Variants in EIF3F observed in about 807,000 individuals in gnomAD.
EIF3F encodes the protein eukaryotic translation initiation factor 3 subunit F, also known as deubiquitinating enzyme eIF3f.
Under a neutral mutation model 36.0 loss-of-function variants are expected in EIF3F, and 8 were observed. That is an observed-to-expected ratio of 0.22 (90% confidence interval 0.13 to 0.40). EIF3F has a LOEUF of 0.40. Ranked by LOEUF, EIF3F falls within the 10% of genes least tolerant of loss-of-function variation. The pLI is 1.00. For synonymous variants in EIF3F, 184 were observed against 188.5 expected (o/e 0.98, Z 0.19); for missense variants, 430 against 467.6 (o/e 0.92, Z 0.74).
At position 7,998,146 on chromosome 11, in the gene EIF3F, T is replaced by C. The variant is rs1942182462; in HGVS notation, c.*2124T>C. On this transcript the variant is annotated 3_prime_UTR_variant, in exon 8 of 8. Coordinates refer to ENST00000651655, the MANE Select transcript of EIF3F (RefSeq NM_003754.3). ...TCTATAGTAGTTATGTTTTATAAAG[T>C]CACCATGAACACTGAATTAGAGAGT... The C allele has an allele frequency of 6.6e-6, 1 of 152,202 alleles. No individual in the cohort carries two copies. The highest frequency in any genetic ancestry group is 6.5e-5 in the Admixed American group (1 of 15,276). 9.4% of individuals were successfully genotyped at this position (152,202 alleles called of 1,614,324 possible).
rs186705219 is a variant in EIF3F, at chr11:7,998,662, C to A, written c.*2640C>A. ...TTAGCAAGAGGTAAATTCACACATA[C>A]GGAGTCTGCAAAAAATGAGAATTGA... On this transcript the variant is annotated 3_prime_UTR_variant, in exon 8 of 8. Transcript: ENST00000651655. 1.2e-4 allele frequency: 18 copies of A among 152,018 alleles called. No homozygotes were observed. The highest frequency in any genetic ancestry group is 2.4e-4 in the Non-Finnish European group (16 of 67,994). 9.4% of individuals were successfully genotyped at this position (152,018 alleles called of 1,614,324 possible).
rs1942170737 is a variant in EIF3F, at chr11:7,997,216, A to G, written c.*1194A>G. On this transcript the variant is annotated 3_prime_UTR_variant, in exon 8 of 8. Coordinates refer to ENST00000651655, the MANE Select transcript of EIF3F (RefSeq NM_003754.3). ...GTAAACAGATCTTATCGGCAAAATG[A>G]TAATGACAGGCCAAATTGTTAAAGG... 1 of 152,236 alleles carries G rather than the reference A, an allele frequency of 6.6e-6. No homozygotes were observed. The highest frequency in any genetic ancestry group is 2.4e-5 in the African/African-American group (1 of 41,470). 9.4% of individuals were successfully genotyped at this position (152,236 alleles called of 1,614,324 possible).
chr11:7,987,981 TTTTATGCCAGTGGTTTACA>T (rs1311953233), intron 1 of EIF3F: 105 of 385,596 alleles, frequency 2.7e-4, no homozygotes, highest in Non-Finnish European at 4.0e-4. Context: ...TTACTGAATA[TTTTATGCCAGTGGTTTACA>T]TTTATGCCAG....
rs1942148595 is a variant in EIF3F at position 7,995,385 on chromosome 11, G to A, written c.996+18G>A. On this transcript the variant is annotated intron_variant, in intron 7 of 7. Transcript: ENST00000651655. Reference sequence around the variant, plus strand: ...ACATCAATGTGAGTGCCCTTCCTGAGCCCCTTCTTGCCTGGTTTCTTCCCC... The same window carrying A: ...ACATCAATGTGAGTGCCCTTCCTGAACCCCTTCTTGCCTGGTTTCTTCCCC... The A allele has an allele frequency of 6.3e-7, 1 of 1,586,142 alleles. No individual in the cohort carries two copies. Among genetic ancestry groups the A allele is most frequent in the African/African-American group, 1.3e-5 (1 of 74,356 alleles).
In EIF3F at chr11:8,001,424, C is replaced by T. The variant is rs552461850; in HGVS notation, c.*5402C>T. ...TCGTTATGACACAATGTAATGAATA[C>T]ATAGATAAGTACTGAAATACTTGGT... On this transcript the variant is annotated 3_prime_UTR_variant, in exon 8 of 8. Transcript: ENST00000651655. 6.6e-6 allele frequency: 1 copy of T among 152,212 alleles called. No homozygotes were observed. The highest frequency in any genetic ancestry group is 2.1e-4 in the South Asian group (1 of 4,824). 9.4% of individuals were successfully genotyped at this position (152,212 alleles called of 1,614,324 possible).
In EIF3F at chr11:7,998,264, C is replaced by A. The variant is rs539305746; in HGVS notation, c.*2242C>A. 5 of 152,234 alleles carry A rather than the reference C, an allele frequency of 3.3e-5. No individual in the cohort carries two copies. Among genetic ancestry groups the A allele is most frequent in the South Asian group, 2.1e-4 (1 of 4,826 alleles). The allele number at this position is 152,234 out of a possible 1,614,324, so 9.4% of individuals were successfully genotyped here. The stretch of plus-strand genomic sequence containing the variant: ...AACCCATCAGTACATAAACTTGTTA[C>A]ATGTGTTTCTGTTTGAAGACACCTT... On this transcript the variant is annotated 3_prime_UTR_variant, in exon 8 of 8. Transcript: ENST00000651655.
At chr11:7,995,821 T>C (rs1942154038) in intron 7 of EIF3F, 124 bp from the exon 8 acceptor site, 1 of 795,894 alleles carries the variant, frequency 1.3e-6, no homozygotes. Context: ...ATTCAGTCTC[T>C]CCTAGCTGTC....
intron 4 of EIF3F, among the ~76,000 whole-genome samples, chr11:7,993,717 A>T (rs1942125458): frequency 6.6e-6 from 1 of 152,178 alleles, no homozygotes; most frequent in Non-Finnish European, 1.5e-5. Flanking sequence ...CACAGTACAC[A>T]GTAAGACAAA....
intron 5 of EIF3F, 152 bp from the exon 6 acceptor site, chr11:7,994,830 G>T: frequency 8.9e-7 from 1 of 1,128,394 alleles, no homozygotes. Flanking sequence ...TAAGGGCACA[G>T]CAGGAAGTGT....
Position 7,992,638 on chromosome 11 carries a change from G to A in EIF3F, c.516-249G>A, listed in dbSNP as rs575380651. 147 of 527,958 alleles carry A rather than the reference G, an allele frequency of 2.8e-4. 1 individual carries two copies. Among genetic ancestry groups the A allele is most frequent in the African/African-American group, 2.6e-3 (132 of 51,706 alleles). The allele number at this position is 527,958 out of a possible 1,614,324, so 32.7% of individuals were successfully genotyped here. ...TGTGAATTCAGTGGGTTTTGCTGGT[G>A]GTTCTGATCCTGTGGGGCCAGGATA... On this transcript the variant is annotated intron_variant, in intron 3 of 7. Transcript: ENST00000651655.
rs1485511209 is a variant in EIF3F, at chr11:7,992,239, G to A, written c.515+76G>A. On this transcript the variant is annotated intron_variant, in intron 3 of 7. Transcript: ENST00000651655. The stretch of plus-strand genomic sequence containing the variant: ...GCCGGTGTCTTTTGCTACTGGACTG[G>A]ATCTTATACTCTTCCTTTTGGAGGC... The A allele has an allele frequency of 1.0e-5, 13 of 1,250,836 alleles. No individual in the cohort carries two copies. In the South Asian group the frequency reaches 1.1e-4, roughly 11 times the overall value. 77.5% of individuals were successfully genotyped at this position (1,250,836 alleles called of 1,614,324 possible).
In EIF3F at chr11:7,987,362, C is replaced by G. The variant is rs367735033; in HGVS notation, c.10C>G (p.Pro4Ala). 17 of 1,593,482 alleles carry G rather than the reference C, an allele frequency of 1.1e-5. No homozygotes were observed. The highest frequency in any genetic ancestry group is 1.4e-5 in the Non-Finnish European group (16 of 1,176,408). The stretch of plus-strand genomic sequence containing the variant: ...CTTCTTTCTCGACAAGATGGCCACA[C>G]CGGCGGTACCAGTAAGTGCTCCTCC... MAT[P>A]AVPVSAPPAT... Residue 4 changes from proline to alanine, a missense_variant, in exon 1 of 8, where the codon CCG (proline) becomes GCG (alanine). Transcript: ENST00000651655.
chr11:7,999,828 T>C lies in EIF3F; in HGVS notation c.*3806T>C, dbSNP rs892168431. ...GGGTATATATCCAAAGGAAATGAAATCAGTATGTTGAAGAGATACTTCCAC... is the reference window on the plus strand; with the variant it reads ...GGGTATATATCCAAAGGAAATGAAACCAGTATGTTGAAGAGATACTTCCAC... On this transcript the variant is annotated 3_prime_UTR_variant, in exon 8 of 8. Transcript: ENST00000651655. 6.6e-6 allele frequency: 1 copy of C among 152,170 alleles called. No individual in the cohort carries two copies. Among genetic ancestry groups the C allele is most frequent in the African/African-American group, 2.4e-5 (1 of 41,428 alleles). 9.4% of individuals were successfully genotyped at this position (152,170 alleles called of 1,614,324 possible). A position where few individuals can be genotyped will look rare whatever the true frequency, so the allele number is the denominator to read the frequency against.
rs901301550 is a variant in EIF3F at position 7,998,886 on chromosome 11, A to G, written c.*2864A>G. 1 of 152,202 alleles carries G rather than the reference A, an allele frequency of 6.6e-6. No homozygotes were observed. The highest frequency in any genetic ancestry group is 2.4e-5 in the African/African-American group (1 of 41,450). The allele number at this position is 152,202 out of a possible 1,614,324, so 9.4% of individuals were successfully genotyped here. ...ATTATAAATAGCCCAACCTGAACTC[A>G]TGACCATAGTGTGGTGTTATTACTT... On this transcript the variant is annotated 3_prime_UTR_variant, in exon 8 of 8. Transcript: ENST00000651655.
At chr11:7,992,245 A>T in intron 3 of EIF3F, 82 bp downstream of exon 3, 1 of 1,218,496 alleles carries the variant, frequency 8.2e-7, no homozygotes, top group Non-Finnish European at 1.2e-6. Flanking sequence ...ACTGGATCTT[A>T]TACTCTTCCT....
At chr11:7,994,542 C>A in intron 5 of EIF3F, 25 bp downstream of exon 5, 1 of 1,603,176 alleles carries the variant, frequency 6.2e-7, no homozygotes, top group South Asian at 1.1e-5. Flanking sequence ...CATACACTCG[C>A]GAGAGGCCAT....
intron 4 of EIF3F, among the ~76,000 whole-genome samples, chr11:7,993,795 T>C (rs994670222): frequency 6.6e-6 from 1 of 152,126 alleles, no homozygotes; most frequent in Non-Finnish European, 1.5e-5. Context: ...GCCTGACTTC[T>C]TAACCTTCCC....
At chr11:7,989,367 GGTATAATCTAAT>G (rs1942064746) in intron 1 of EIF3F, among the ~76,000 whole-genome samples, 1 of 152,146 alleles carries the variant, frequency 6.6e-6, no homozygotes. Context: ...AGTCAGACCA[GGTATAATCTAAT>G]CTACATCCTC....
chr11:7,992,018 T>C (rs1305608309), intron 2 of EIF3F, 66 bp from the exon 3 acceptor site: 2 of 1,563,086 alleles, frequency 1.3e-6, no homozygotes, highest in African/African-American at 2.7e-5. Context: ...TGGCCTCTTG[T>C]CCTTTTTAAC....
Sources: allele counts gnomAD v4.1 joint callset (sites outside exome capture counted in the v4.1 genomes callset), GRCh38; gene constraint gnomAD v4.1.1; transcripts MANE v1.5; gene names NCBI Gene and HGNC (gene_info 2026-07-23, HGNC 2026-07-21).